MARK3: variants seen among roughly 807,000 people sequenced by gnomAD.
The protein encoded by MARK3 is microtubule affinity regulating kinase 3, also known as MAP/microtubule affinity-regulating kinase 3.
Under a neutral mutation model 90.1 loss-of-function variants are expected in MARK3, and 46 were observed. That is an observed-to-expected ratio of 0.51 (90% CI 0.40 to 0.65). The LOEUF is 0.65. Ranked by LOEUF, MARK3 falls within the 30% of genes least tolerant of loss-of-function variation. The pLI, the probability that MARK3 is intolerant of heterozygous loss-of-function variation, is 0.00. For synonymous variants in MARK3, 321 were observed against 332.6 expected (o/e 0.97, Z 0.38); for missense variants, 818 against 947.2 (o/e 0.86, Z 1.79).
chr14:103,432,216 A>G (rs2092603933), intron 3 of MARK3, among the ~76,000 whole-genome samples: 1 of 152,208 alleles, frequency 6.6e-6, no homozygotes, highest in Non-Finnish European at 1.5e-5. Flanking sequence ...TTTTTGAGTA[A>G]GATTTAACCA....
At position 103,385,898 on chromosome 14, in the gene MARK3, G is replaced by C. The variant is rs919295891; in HGVS notation, c.-132G>C. The C allele has an allele frequency of 8.4e-6, 6 of 718,088 alleles. No individual in the cohort carries two copies. The highest frequency in any genetic ancestry group is 2.1e-5 in the Admixed American group (1 of 48,266). 44.5% of individuals were successfully genotyped at this position (718,088 alleles called of 1,614,324 possible). ...AGGCCCGGGATCTAGACGGCCGTAG[G>C]GGGAAGGGAGCCGCCCTCCCCACGG... On this transcript the variant is annotated 5_prime_UTR_variant, in exon 1 of 18. Coordinates refer to ENST00000429436, the MANE Select transcript of MARK3 (RefSeq NM_001128918.3).
At chr14:103,445,026 C>G (rs2092958303) in intron 3 of MARK3, among the ~76,000 whole-genome samples, 1 of 152,126 alleles carries the variant, frequency 6.6e-6, no homozygotes, top group African/African-American at 2.4e-5. Context: ...TGTGCCAGTA[C>G]CCACCTGTTG....
In MARK3 at chr14:103,495,411, C is replaced by T. The variant is rs769979582; in HGVS notation, c.1845-3091C>T. On this transcript the variant is annotated intron_variant, in intron 15 of 17. Transcript: ENST00000429436. ...AAGAGGATGGCTTGAACCCAGGAGGCGTAGGTTGCAGAGAGCCAAGATCAC... is the reference window on the plus strand; with the variant it reads ...AAGAGGATGGCTTGAACCCAGGAGGTGTAGGTTGCAGAGAGCCAAGATCAC... Among the ~76,000 whole-genome samples, 22 of 150,756 alleles carry T rather than the reference C, an allele frequency of 1.5e-4. 1 individual carries two copies. The Admixed American group carries it at 1.5e-3, about 10-fold the overall frequency.
At chr14:103,434,711 T>G (rs1012794645) in intron 3 of MARK3, among the ~76,000 whole-genome samples, 2 of 152,254 alleles carry the variant, frequency 1.3e-5, no homozygotes, top group South Asian at 4.1e-4. Flanking sequence ...CAGCTCATTC[T>G]TCATTGGCAA....
intron 2 of MARK3, among the ~76,000 whole-genome samples, chr14:103,411,440 C>A (rs1355438593): frequency 2.0e-5 from 3 of 152,126 alleles, no homozygotes; most frequent in Non-Finnish European, 4.4e-5. Context: ...TGTCCCAGAA[C>A]CATCAGTTCT....
chr14:103,481,757 C>CTTTTTTTTTTTTTTTTTTTTTT (rs71126030), intron 14 of MARK3, among the ~76,000 whole-genome samples: 3 of 49,778 alleles, frequency 6.0e-5, no homozygotes, highest in African/African-American at 2.6e-4. Flanking sequence ...ATAGGTATTT[C>CTTTTTTTTTTTTTTTTTTTTTT]TTTTTTTTTT....
At chr14:103,472,750 G>C (rs913677653) in intron 12 of MARK3, among the ~76,000 whole-genome samples, 7 of 150,226 alleles carry the variant, frequency 4.7e-5, no homozygotes, top group Non-Finnish European at 1.0e-4. Context: ...GCTCACGCCT[G>C]TAATCCCAAC....
At chr14:103,439,097 A>C (rs2092787653) in intron 3 of MARK3, among the ~76,000 whole-genome samples, 1 of 152,044 alleles carries the variant, frequency 6.6e-6, no homozygotes, top group African/African-American at 2.4e-5. Flanking sequence ...TTTAAAATTT[A>C]GTTTTTAATT....
At chr14:103,405,005 A>G (rs980590950) in intron 1 of MARK3, 71 bp from the exon 2 acceptor site, 20 of 1,162,672 alleles carry the variant, frequency 1.7e-5, no homozygotes, top group Non-Finnish European at 2.4e-5. Flanking sequence ...TTCTTCAATT[A>G]GAAGCTCTTA....
At chr14:103,474,749 C>A (rs2093687169) in intron 12 of MARK3, among the ~76,000 whole-genome samples, 1 of 151,396 alleles carries the variant, frequency 6.6e-6, no homozygotes, top group East Asian at 1.9e-4. Flanking sequence ...AAGGACAACT[C>A]TAAACTCTTA....
chr14:103,411,799 T>C (rs1036259429), intron 2 of MARK3, among the ~76,000 whole-genome samples: 1 of 151,998 alleles, frequency 6.6e-6, no homozygotes, highest in East Asian at 1.9e-4. Flanking sequence ...ATTTTTGTAT[T>C]TTTAGTAGAG....
At chr14:103,450,511 A>G (rs933773356) in intron 4 of MARK3, among the ~76,000 whole-genome samples, 6 of 152,230 alleles carry the variant, frequency 3.9e-5, no homozygotes, top group Admixed American at 6.5e-5. Flanking sequence ...TATTGCATTA[A>G]CATAGTTTTC....
At chr14:103,500,415 G>A (rs563787050) in intron 17 of MARK3, among the ~76,000 whole-genome samples, 2 of 152,296 alleles carry the variant, frequency 1.3e-5, no homozygotes, top group Non-Finnish European at 2.9e-5. Context: ...TTCAAAGCAC[G>A]GCGAGGCCTT....
At chr14:103,416,466 T>A (rs1233960915) in intron 2 of MARK3, among the ~76,000 whole-genome samples, 1 of 152,134 alleles carries the variant, frequency 6.6e-6, no homozygotes, top group Non-Finnish European at 1.5e-5. Context: ...GGACAGTTCT[T>A]CCATAGAAAT....
chr14:103,458,792 A>C, intron 6 of MARK3: 1 of 713,072 alleles, frequency 1.4e-6, no homozygotes, highest in Non-Finnish European at 2.6e-6. Flanking sequence ...TGATGTTTAC[A>C]TTTGTAAGTG....
At chr14:103,476,925 A>T (rs559516600) in intron 13 of MARK3, among the ~76,000 whole-genome samples, 1 of 152,306 alleles carries the variant, frequency 6.6e-6, no homozygotes, top group East Asian at 1.9e-4. Flanking sequence ...TCCGTCTCCA[A>T]CGTTTGTTGA....
At chr14:103,478,375 C>T (rs1158186036) in intron 13 of MARK3, among the ~76,000 whole-genome samples, 1 of 147,986 alleles carries the variant, frequency 6.8e-6, no homozygotes, top group Admixed American at 6.7e-5. Context: ...CCCCTCCCTT[C>T]CCCCTCATTC....
At chr14:103,396,095 G>C (rs561380732) in intron 1 of MARK3, among the ~76,000 whole-genome samples, 2 of 152,228 alleles carry the variant, frequency 1.3e-5, no homozygotes, top group South Asian at 4.1e-4. Context: ...TGTGCCCTGT[G>C]TCCCCAAGCC....
chr14:103,399,161 G>T (rs2090778583), intron 1 of MARK3, among the ~76,000 whole-genome samples: 1 of 152,084 alleles, frequency 6.6e-6, no homozygotes, highest in Admixed American at 6.6e-5. Flanking sequence ...TGCCGGCAAG[G>T]ATTTTTTTAA....
Sources: gnomAD v4.1 joint callset for allele counts (sites outside exome capture counted in the v4.1 genomes callset) on GRCh38, gnomAD v4.1.1 for gene constraint, MANE v1.5 for transcripts, NCBI Gene and HGNC (gene_info 2026-07-23, HGNC 2026-07-21) for gene names.